Variants in ARAP2 observed in about 807,000 individuals in gnomAD.
The protein encoded by ARAP2 is ArfGAP with RhoGAP domain, ankyrin repeat and PH domain 2.
ARAP2 carries 148 observed loss-of-function variants against 194.5 expected under a neutral mutation model. That is an observed-to-expected ratio of 0.76 (90% CI 0.67 to 0.87). The LOEUF is 0.87. Ranked by LOEUF, ARAP2 falls within the 40% of genes least tolerant of loss-of-function variation. The probability of loss-of-function intolerance (pLI) is 0.00; values close to 1 mark genes in which losing one functional copy is unlikely to be tolerated. For missense variants in ARAP2, 2,128 were observed against 1,989.7 expected, an observed-to-expected ratio of 1.07 and a Z score of -1.32; for synonymous variants, 695 against 683.5, an observed-to-expected ratio of 1.02 and a Z score of -0.26.
At chr4:36,239,673 A>G (rs1753137234) in intron 1 of ARAP2, among the ~76,000 whole-genome samples, 2 of 152,382 alleles carry the variant, frequency 1.3e-5, no homozygotes, top group East Asian at 3.9e-4. Context: ...CCAACTGGAA[A>G]TGGTCTGGAG....
intron 5 of ARAP2, among the ~76,000 whole-genome samples, chr4:36,026,980 G>T (rs1377767253): frequency 6.6e-6 from 1 of 152,196 alleles, no homozygotes; most frequent in African/African-American, 2.4e-5. Flanking sequence ...TGTCATAATT[G>T]TGCATAAACA....
chr4:36,228,427 A>G (rs1426773688), intron 2 of ARAP2, among the ~76,000 whole-genome samples, 155 bp downstream of exon 2: 1 of 152,212 alleles, frequency 6.6e-6, no homozygotes, highest in Admixed American at 6.5e-5. Flanking sequence ...ATAATGTCCA[A>G]TGGGATGAAG....
intron 1 of ARAP2, among the ~76,000 whole-genome samples, chr4:36,234,138 A>C (rs1388043533): frequency 6.6e-6 from 1 of 152,210 alleles, no homozygotes; most frequent in Non-Finnish European, 1.5e-5. Flanking sequence ...CTCCATCATA[A>C]AGTCGAAAAA....
chr4:36,167,162 C>T, intron 9 of ARAP2, 115 bp from the exon 10 acceptor site: 2 of 667,296 alleles, frequency 3.0e-6, no homozygotes, highest in South Asian at 2.2e-5. Flanking sequence ...CAAAATCAGT[C>T]TCACTTTAGG....
intron 3 of ARAP2, among the ~76,000 whole-genome samples, chr4:36,050,318 T>C (rs1163869663): frequency 6.6e-6 from 1 of 152,244 alleles, no homozygotes; most frequent in African/African-American, 2.4e-5. Flanking sequence ...ATGTCTGATA[T>C]TGTTTTACCT....
intron 28 of ARAP2, among the ~76,000 whole-genome samples, chr4:36,089,817 C>T (rs1266627264): frequency 6.6e-6 from 1 of 151,978 alleles, no homozygotes; most frequent in Non-Finnish European, 1.5e-5. Context: ...GCTCTTTATA[C>T]TCCTGATATA....
At chr4:36,092,857 G>T (rs987069644) in intron 27 of ARAP2, among the ~76,000 whole-genome samples, 2 of 152,042 alleles carry the variant, frequency 1.3e-5, no homozygotes, top group Non-Finnish European at 2.9e-5. Context: ...ACACCTTTAA[G>T]AATTCTGACT....
chr4:36,012,562 C>A (rs1714760261), intron 9 of ARAP2: 1 of 152,184 alleles, frequency 6.6e-6, no homozygotes, highest in Non-Finnish European at 1.5e-5. Flanking sequence ...AAATCACTTA[C>A]AATCCACATC....
intron 1 of ARAP2, among the ~76,000 whole-genome samples, chr4:36,233,147 C>G (rs1208371137): frequency 6.6e-6 from 1 of 152,132 alleles, no homozygotes; most frequent in East Asian, 1.9e-4. Flanking sequence ...GTCTGAACAC[C>G]CAAGAGTGTT....
chr4:36,166,318 T>C (rs1560575433), intron 10 of ARAP2, among the ~76,000 whole-genome samples: 1 of 152,142 alleles, frequency 6.6e-6, no homozygotes, highest in African/African-American at 2.4e-5. Flanking sequence ...CTATTCTGTA[T>C]ACTAAAACTA....
At chr4:36,153,274 C>T (rs1399798646) in intron 15 of ARAP2, among the ~76,000 whole-genome samples, 7 of 152,058 alleles carry the variant, frequency 4.6e-5, no homozygotes, top group Admixed American at 2.0e-4. Context: ...GACAGGAAAT[C>T]GTGACATTCC....
At chr4:36,225,953 A>C (rs549283318) in intron 2 of ARAP2, among the ~76,000 whole-genome samples, 1 of 152,200 alleles carries the variant, frequency 6.6e-6, no homozygotes, top group East Asian at 1.9e-4. Flanking sequence ...TTGATTTAAA[A>C]AGTTATATTA....
At chr4:36,112,099 T>C (rs185980741) in intron 26 of ARAP2, among the ~76,000 whole-genome samples, 98 of 152,114 alleles carry the variant, frequency 6.4e-4, no homozygotes, top group African/African-American at 2.2e-3. Flanking sequence ...CACATTTGGA[T>C]GCATCTATAC....
intron 19 of ARAP2, 79 bp downstream of exon 19, chr4:36,147,217 C>A: frequency 7.8e-7 from 1 of 1,280,320 alleles, no homozygotes; most frequent in Non-Finnish European, 1.1e-6. Flanking sequence ...TTGTTTTCTC[C>A]CTCAAGATAA....
chr4:36,227,477 G>C (rs182864624), intron 2 of ARAP2, among the ~76,000 whole-genome samples: 1 of 152,280 alleles, frequency 6.6e-6, no homozygotes, highest in East Asian at 1.9e-4. Context: ...TACATTAACA[G>C]AGCCTTGTAA....
intron 5 of ARAP2, among the ~76,000 whole-genome samples, chr4:36,043,131 C>T (rs1257542481): frequency 6.6e-6 from 1 of 152,142 alleles, no homozygotes; most frequent in African/African-American, 2.4e-5. Context: ...GTGTGAGCCA[C>T]CCCACCTGCA....
chr4:36,042,432 T>C (rs1399302090), intron 5 of ARAP2, among the ~76,000 whole-genome samples: 1 of 152,220 alleles, frequency 6.6e-6, no homozygotes, highest in Admixed American at 6.5e-5. Context: ...AGTTCAATTA[T>C]AAAATGCTTA....
At chr4:36,081,623 T>G (rs13134539) in intron 30 of ARAP2, among the ~76,000 whole-genome samples, 10,183 of 151,874 alleles carry the variant, frequency 0.067, 479 homozygotes, top group Non-Finnish European at 0.1. Context: ...TACTCCTCAG[T>G]GGAGAGGTGG....
chr4:36,135,170 A>G (rs957178595), intron 19 of ARAP2, among the ~76,000 whole-genome samples: 10 of 151,790 alleles, frequency 6.6e-5, no homozygotes, highest in Non-Finnish European at 1.3e-4. Flanking sequence ...TCTTGATTTC[A>G]GACTTGACAG....
Sources: gnomAD v4.1 joint callset for allele counts (sites outside exome capture counted in the v4.1 genomes callset) on GRCh38, gnomAD v4.1.1 for gene constraint, MANE v1.5 for transcripts, NCBI Gene and HGNC (gene_info 2026-07-23, HGNC 2026-07-21) for gene names.